The following PARD3 variants were observed in gnomAD, a reference collection of about 807,000 sequenced individuals.
The protein encoded by PARD3 is partitioning defective 3 homolog.
In PARD3, 75 loss-of-function variants were observed where a neutral mutation model predicts 155.4. The observed-to-expected ratio is 0.48, with a 90% CI of 0.40 to 0.58. PARD3 has a LOEUF of 0.58. PARD3 is among the 20% of genes least tolerant of loss of function. PARD3 has a pLI of 0.00. For synonymous variants in PARD3, 576 were observed against 610.5 expected (o/e 0.94, Z 0.83); for missense variants, 1,642 against 1,721.7 (o/e 0.95, Z 0.82).
chr10:34,643,054 G>A (rs114725125), intron 2 of PARD3, among the ~76,000 whole-genome samples: 4 of 152,242 alleles, frequency 2.6e-5, no homozygotes, highest in South Asian at 2.1e-4. Flanking sequence ...TGTGGACTCC[G>A]TCACACTGAT....
chr10:34,638,825 G>A (rs542178669), intron 2 of PARD3, among the ~76,000 whole-genome samples: 1 of 152,314 alleles, frequency 6.6e-6, no homozygotes, highest in South Asian at 2.1e-4. Context: ...GTGTAAATCA[G>A]TTCTAAATTG....
intron 2 of PARD3, among the ~76,000 whole-genome samples, chr10:34,682,016 G>T (rs1055770707): frequency 2.2e-4 from 34 of 151,480 alleles, no homozygotes; most frequent in African/African-American, 8.2e-4. Flanking sequence ...TGGAACAGAT[G>T]CTCAATAAAT....
intron 2 of PARD3, among the ~76,000 whole-genome samples, chr10:34,615,659 C>T (rs1011524533): frequency 2.0e-5 from 3 of 152,026 alleles, no homozygotes; most frequent in Non-Finnish European, 4.4e-5. Flanking sequence ...AAAAGTGAAG[C>T]GACAACTACA....
At chr10:34,684,840 CACACACAT>C (rs2093923026) in intron 2 of PARD3, among the ~76,000 whole-genome samples, 1 of 138,210 alleles carries the variant, frequency 7.2e-6, no homozygotes, top group Non-Finnish European at 1.6e-5. Flanking sequence ...CATATATACA[CACACACAT>C]ATATATACAT....
chr10:34,471,596 C>G (rs191056414), intron 3 of PARD3, among the ~76,000 whole-genome samples: 1 of 152,280 alleles, frequency 6.6e-6, no homozygotes, highest in African/African-American at 2.4e-5. Context: ...GCTCTGTCAC[C>G]CAGGCTGGAA....
At chr10:34,261,736 G>T (rs1396135424) in intron 22 of PARD3, among the ~76,000 whole-genome samples, 2 of 142,900 alleles carry the variant, frequency 1.4e-5, no homozygotes, top group Non-Finnish European at 3.0e-5. Flanking sequence ...AAGGAAGGAA[G>T]AAAGGAAGAA....
chr10:34,479,384 A>G (rs1382552700), intron 3 of PARD3, among the ~76,000 whole-genome samples: 1 of 151,858 alleles, frequency 6.6e-6, no homozygotes, highest in Non-Finnish European at 1.5e-5. Context: ...AATGGACTCT[A>G]TCTCCTGACC....
intron 1 of PARD3, among the ~76,000 whole-genome samples, chr10:34,758,990 A>G (rs966433000): frequency 6.6e-6 from 1 of 152,222 alleles, no homozygotes; most frequent in African/African-American, 2.4e-5. Flanking sequence ...CACAAAAAGA[A>G]TAGAAAGAGG....
At chr10:34,575,985 C>T (rs1416634526) in intron 2 of PARD3, among the ~76,000 whole-genome samples, 1 of 152,180 alleles carries the variant, frequency 6.6e-6, no homozygotes, top group African/African-American at 2.4e-5. Context: ...TAGGCTTAGC[C>T]ATCTTTCTTT....
intron 5 of PARD3, among the ~76,000 whole-genome samples, chr10:34,425,967 G>A (rs549847847): frequency 6.6e-6 from 1 of 152,108 alleles, no homozygotes; most frequent in South Asian, 2.1e-4. Flanking sequence ...AATCTTCTGT[G>A]GACCCAATAA....
intron 22 of PARD3, among the ~76,000 whole-genome samples, chr10:34,229,637 A>G (rs1952810183): frequency 6.7e-6 from 1 of 148,346 alleles, no homozygotes; most frequent in South Asian, 2.1e-4. Flanking sequence ...ACGTCCCATC[A>G]TAATTCTTCT....
rs114162697 is a variant in PARD3 at position 34,320,049 on chromosome 10, G to A, written c.2834-2711C>T. ...ACTTCTCATATGATATCACATACATGTCTCCCTCCCATTCTCTAAGCTCCT... is the reference window on the plus strand; with the variant it reads ...ACTTCTCATATGATATCACATACATATCTCCCTCCCATTCTCTAAGCTCCT... On this transcript the variant is annotated intron_variant, in intron 19 of 24. Transcript: ENST00000374788. Among the ~76,000 whole-genome samples, 199 of 152,108 alleles carry A rather than the reference G, an allele frequency of 1.3e-3. 1 individual carries two copies. The highest frequency in any genetic ancestry group is 4.6e-3 in the African/African-American group (192 of 41,472).
Position 34,160,071 on chromosome 10 carries a change from A to T in PARD3, c.3420-28488T>A, listed in dbSNP as rs115003574. On this transcript the variant is annotated intron_variant, in intron 22 of 24. Coordinates refer to ENST00000374788, the MANE Select transcript of PARD3 (RefSeq NM_001184785.2). ...AGATAGAATATTATCAAAAGAGACT[A>T]AAGTATTTTAACATTTTGGAGTTAT... 5.0e-3 allele frequency among the ~76,000 whole-genome samples: 755 copies of T among 152,348 alleles called. 5 individuals are homozygous for T. The highest frequency in any genetic ancestry group is 0.017 in the African/African-American group (695 of 41,580).
chr10:34,741,438 G>C (rs1005271453), intron 1 of PARD3, among the ~76,000 whole-genome samples: 1 of 151,988 alleles, frequency 6.6e-6, no homozygotes, highest in Non-Finnish European at 1.5e-5. Context: ...TCCTGCCTCA[G>C]CCTCCAAAAG....
chr10:34,439,607 C>T (rs1254751463), intron 5 of PARD3, among the ~76,000 whole-genome samples: 1 of 152,008 alleles, frequency 6.6e-6, no homozygotes, highest in Non-Finnish European at 1.5e-5. Flanking sequence ...ACTGCGTGTG[C>T]CACCACACCC....
intron 2 of PARD3, among the ~76,000 whole-genome samples, chr10:34,690,182 G>C (rs756692669): frequency 1.3e-5 from 2 of 152,110 alleles, no homozygotes; most frequent in Admixed American, 6.5e-5. Flanking sequence ...GACCTCAAGT[G>C]ATCTGCCCAC....
chr10:34,453,137 C>A (rs1408240485), intron 4 of PARD3, among the ~76,000 whole-genome samples: 11 of 152,202 alleles, frequency 7.2e-5, no homozygotes, highest in Admixed American at 7.2e-4. Flanking sequence ...GAATTTCAGA[C>A]AATGGTGCTT....
intron 22 of PARD3, among the ~76,000 whole-genome samples, chr10:34,223,052 G>GT (rs1342847748): frequency 4.6e-5 from 7 of 152,160 alleles, no homozygotes; most frequent in Non-Finnish European, 8.8e-5. Context: ...TCTGTGTTCG[G>GT]TAAGTCCCAC....
In PARD3 at chr10:34,305,698, G is replaced by A. The variant is rs549635573; in HGVS notation, c.3065+11409C>T. On this transcript the variant is annotated intron_variant, in intron 20 of 24. Transcript: ENST00000374788. ...TTATGTAGAGAATACTTAAATCATGGCTGGGCACAGTGGTGCACGCCTGCA... is the reference window on the plus strand; with the variant it reads ...TTATGTAGAGAATACTTAAATCATGACTGGGCACAGTGGTGCACGCCTGCA... Among the ~76,000 whole-genome samples the A allele has an allele frequency of 3.3e-5, 5 of 152,290 alleles. No individual in the cohort carries two copies. In the South Asian group the frequency reaches 1.0e-3, roughly 32 times the overall value.
Sources: allele counts gnomAD v4.1 joint callset (sites outside exome capture counted in the v4.1 genomes callset), GRCh38; gene constraint gnomAD v4.1.1; transcripts MANE v1.5; gene names NCBI Gene and HGNC (gene_info 2026-07-23, HGNC 2026-07-21).